Variants in GABRG3 observed in about 807,000 individuals in gnomAD.
The protein encoded by GABRG3 is gamma-aminobutyric acid receptor subunit gamma-3.
In GABRG3, 25 loss-of-function variants were observed where a neutral mutation model predicts 48.8. That is an observed-to-expected ratio of 0.51 (90% CI 0.37 to 0.72). The LOEUF is 0.72. Ranked by LOEUF, GABRG3 falls within the 30% of genes least tolerant of loss-of-function variation. The pLI, the probability that GABRG3 is intolerant of heterozygous loss-of-function variation, is 0.00. For missense variants in GABRG3, 394 were observed against 577.9 expected (o/e 0.68, Z 3.26); for synonymous variants, 227 against 217.6 (o/e 1.04, Z -0.38).
intron 5 of GABRG3, among the ~76,000 whole-genome samples, chr15:27,456,182 G>A (rs1383928256): frequency 6.6e-6 from 1 of 152,178 alleles, no homozygotes; most frequent in African/African-American, 2.4e-5. Flanking sequence ...TCACCTCCCT[G>A]CCTGCTTGGG....
chr15:27,127,229 G>T (rs1897836301), intron 3 of GABRG3, among the ~76,000 whole-genome samples: 1 of 152,022 alleles, frequency 6.6e-6, no homozygotes. Flanking sequence ...GGGATGAATA[G>T]ATAAAATATG....
chr15:27,361,712 A>G (rs1265004792), intron 5 of GABRG3, among the ~76,000 whole-genome samples: 4 of 152,178 alleles, frequency 2.6e-5, no homozygotes, highest in Non-Finnish European at 4.4e-5. Context: ...ACAAGCAGCT[A>G]TTTCGGGCTA....
intron 3 of GABRG3, among the ~76,000 whole-genome samples, chr15:27,314,013 C>T (rs569213364): frequency 4.3e-4 from 65 of 151,952 alleles, no homozygotes; most frequent in African/African-American, 1.5e-3. Context: ...AGAAAAAATC[C>T]ACAAAGCTAA....
At chr15:27,031,653 A>C (rs1052155558) in intron 3 of GABRG3, among the ~76,000 whole-genome samples, 1 of 152,206 alleles carries the variant, frequency 6.6e-6, no homozygotes, top group Admixed American at 6.5e-5. Flanking sequence ...ACATGCAGCC[A>C]GAGAAATCAT....
chr15:27,090,707 ACTT>A (rs1410497292), intron 3 of GABRG3, among the ~76,000 whole-genome samples: 3 of 152,322 alleles, frequency 2.0e-5, no homozygotes, highest in African/African-American at 2.4e-5. Context: ...CAAGACTTGT[ACTT>A]CTTTGGCTAA....
chr15:27,232,113 C>CAGAAT (rs1455159104), intron 3 of GABRG3, among the ~76,000 whole-genome samples: 1 of 152,024 alleles, frequency 6.6e-6, no homozygotes, highest in Non-Finnish European at 1.5e-5. Context: ...CGACAAGAAG[C>CAGAAT]AGAATAATTT....
intron 3 of GABRG3, among the ~76,000 whole-genome samples, chr15:27,277,140 A>G (rs995227924): frequency 2.0e-5 from 3 of 152,256 alleles, no homozygotes; most frequent in African/African-American, 7.2e-5. Context: ...AAGGTTGGTG[A>G]TGAGGGCAGG....
At chr15:27,129,107 G>A (rs1158555438) in intron 3 of GABRG3, among the ~76,000 whole-genome samples, 2 of 152,132 alleles carry the variant, frequency 1.3e-5, no homozygotes, top group Non-Finnish European at 2.9e-5. Context: ...ATAGTTCAGT[G>A]TCATTAAGAA....
chr15:27,189,757 A>G (rs1188683017), intron 3 of GABRG3, among the ~76,000 whole-genome samples: 2 of 152,148 alleles, frequency 1.3e-5, no homozygotes, highest in East Asian at 3.9e-4. Context: ...AAGTTCCAAC[A>G]CTATGTTGAA....
chr15:27,320,059 C>T (rs554303394), intron 3 of GABRG3, among the ~76,000 whole-genome samples: 47 of 152,216 alleles, frequency 3.1e-4, no homozygotes, highest in African/African-American at 1.1e-3. Flanking sequence ...GTTCCCAGGG[C>T]CTCCTAGCCA....
At chr15:27,182,534 A>G (rs897468115) in intron 3 of GABRG3, among the ~76,000 whole-genome samples, 4 of 152,212 alleles carry the variant, frequency 2.6e-5, no homozygotes, top group Admixed American at 6.5e-5. Context: ...CAGTGACTTT[A>G]GAATTGGACA....
chr15:27,512,367 G>A (rs1170171550), intron 6 of GABRG3, among the ~76,000 whole-genome samples: 1 of 152,104 alleles, frequency 6.6e-6, no homozygotes, highest in East Asian at 1.9e-4. Context: ...GAAGAAGAAA[G>A]GCTGACTGTG....
intron 3 of GABRG3, among the ~76,000 whole-genome samples, chr15:27,194,081 T>C (rs1888420354): frequency 6.6e-6 from 1 of 152,214 alleles, no homozygotes; most frequent in Admixed American, 6.5e-5. Context: ...TTTGTATGAT[T>C]TTCTTCATGG....
At chr15:27,524,542 G>A (rs2150863787) in intron 7 of GABRG3, among the ~76,000 whole-genome samples, 1 of 152,150 alleles carries the variant, frequency 6.6e-6, no homozygotes, top group South Asian at 2.1e-4. Flanking sequence ...GCTACTTGAT[G>A]TAATTACTAA....
At chr15:27,146,988 G>T (rs1419186597) in intron 3 of GABRG3, among the ~76,000 whole-genome samples, 6 of 152,010 alleles carry the variant, frequency 3.9e-5, no homozygotes, top group Non-Finnish European at 5.9e-5. Context: ...AAAAGGCAGA[G>T]ATTGGCAGAA....
intron 3 of GABRG3, among the ~76,000 whole-genome samples, chr15:27,197,447 C>A (rs182694580): frequency 3.3e-5 from 5 of 150,132 alleles, no homozygotes; most frequent in Admixed American, 1.3e-4. Context: ...CTTAAGCCCC[C>A]ACTCTATTTC....
chr15:27,379,577 T>G (rs1895703031), intron 5 of GABRG3, among the ~76,000 whole-genome samples: 1 of 152,230 alleles, frequency 6.6e-6, no homozygotes, highest in Admixed American at 6.5e-5. Context: ...TCTTTCTGAA[T>G]AGCTTATTTT....
intron 3 of GABRG3, among the ~76,000 whole-genome samples, chr15:27,127,525 A>G (rs1392914509): frequency 6.6e-6 from 1 of 151,942 alleles, no homozygotes; most frequent in African/African-American, 2.4e-5. Flanking sequence ...CTTGGAAATC[A>G]TGTCTGCTTT....
At chr15:27,186,436 C>T (rs1325258398) in intron 3 of GABRG3, among the ~76,000 whole-genome samples, 1 of 152,118 alleles carries the variant, frequency 6.6e-6, no homozygotes, top group East Asian at 1.9e-4. Flanking sequence ...AGTTGACTCC[C>T]TGTCATTGCT....
Sources: gnomAD v4.1 joint callset for allele counts (sites outside exome capture counted in the v4.1 genomes callset) on GRCh38, gnomAD v4.1.1 for gene constraint, MANE v1.5 for transcripts, NCBI Gene and HGNC (gene_info 2026-07-23, HGNC 2026-07-21) for gene names.